PRKCA: variants seen among roughly 807,000 people sequenced by gnomAD.
The protein encoded by PRKCA is protein kinase C alpha.
Under a neutral mutation model 87.0 loss-of-function variants are expected in PRKCA, and 27 were observed. The ratio of observed to expected loss-of-function variants is 0.31; its 90% CI spans 0.23 to 0.43. The LOEUF is 0.43. Ranked by LOEUF, PRKCA falls within the 20% of genes least tolerant of loss-of-function variation. PRKCA has a pLI of 1.00. For missense variants in PRKCA, 518 were observed against 852.3 expected (o/e 0.61, Z 4.88); for synonymous variants, 329 against 311.1 (o/e 1.06, Z -0.61).
At chr17:66,346,185 C>G (rs1408511331) in intron 2 of PRKCA, among the ~76,000 whole-genome samples, 4 of 151,768 alleles carry the variant, frequency 2.6e-5, no homozygotes, top group Non-Finnish European at 5.9e-5. Context: ...CAACTTCCAC[C>G]TCCTGGGTTC....
chr17:66,331,524 T>A (rs1906323858), intron 2 of PRKCA, among the ~76,000 whole-genome samples: 1 of 152,200 alleles, frequency 6.6e-6, no homozygotes, highest in South Asian at 2.1e-4. Flanking sequence ...ATATTCATTG[T>A]GAGTCGGTAC....
At chr17:66,777,471 C>A (rs1209408625) in intron 14 of PRKCA, 1 of 966,526 alleles carries the variant, frequency 1.0e-6, no homozygotes, top group African/African-American at 1.9e-5. Context: ...CAAATACGTC[C>A]GGGTGTAAAC....
chr17:66,367,942 C>T (rs1329825769), intron 2 of PRKCA, among the ~76,000 whole-genome samples: 1 of 152,070 alleles, frequency 6.6e-6, no homozygotes, highest in African/African-American at 2.4e-5. Context: ...CAATGAATTC[C>T]CTGTGTTTAT....
intron 3 of PRKCA, among the ~76,000 whole-genome samples, chr17:66,547,765 A>G (rs184325624): frequency 5.9e-5 from 9 of 152,370 alleles, no homozygotes; most frequent in African/African-American, 2.2e-4. Flanking sequence ...AGTAGAAAAT[A>G]ACCCTTGATA....
chr17:66,595,713 G>A (rs889963772), intron 3 of PRKCA, among the ~76,000 whole-genome samples: 6 of 151,826 alleles, frequency 4.0e-5, no homozygotes, highest in South Asian at 2.1e-4. Flanking sequence ...CGCCCGCCTC[G>A]GCCTCCTGGA....
chr17:66,493,572 C>A (rs1216864255), intron 2 of PRKCA, among the ~76,000 whole-genome samples: 2 of 151,988 alleles, frequency 1.3e-5, no homozygotes, highest in African/African-American at 4.8e-5. Flanking sequence ...TCCCTGCCTC[C>A]CTTCCTGTCT....
chr17:66,620,623 G>C (rs567813672), intron 3 of PRKCA, among the ~76,000 whole-genome samples: 23 of 152,328 alleles, frequency 1.5e-4, no homozygotes, highest in African/African-American at 5.0e-4. Flanking sequence ...CAGAGGCCTA[G>C]CAGTGTCTGC....
intron 2 of PRKCA, among the ~76,000 whole-genome samples, chr17:66,373,884 G>A (rs922603909): frequency 5.3e-5 from 8 of 152,294 alleles, no homozygotes; most frequent in Admixed American, 5.2e-4. Flanking sequence ...CACTTGTTTA[G>A]CACCTACTTA....
At chr17:66,556,167 A>G (rs1968488404) in intron 3 of PRKCA, among the ~76,000 whole-genome samples, 1 of 151,912 alleles carries the variant, frequency 6.6e-6, no homozygotes. Flanking sequence ...TTCCATTTTG[A>G]ACACATTTGG....
intron 2 of PRKCA, among the ~76,000 whole-genome samples, chr17:66,338,542 T>A (rs1246530632): frequency 2.0e-5 from 3 of 152,148 alleles, no homozygotes; most frequent in Non-Finnish European, 4.4e-5. Context: ...AACTCTTCAA[T>A]AAAGCAAATT....
intron 2 of PRKCA, among the ~76,000 whole-genome samples, chr17:66,439,951 CCTT>C (rs1184714057): frequency 2.6e-5 from 4 of 152,188 alleles, no homozygotes; most frequent in Non-Finnish European, 4.4e-5. Context: ...GCAACTGTCT[CCTT>C]CTGCTGATGG....
chr17:66,531,183 C>T (rs1967523000), intron 3 of PRKCA, among the ~76,000 whole-genome samples: 2 of 152,210 alleles, frequency 1.3e-5, no homozygotes, highest in South Asian at 4.1e-4. Context: ...TGGGCAGAGG[C>T]CCCAGCAGGA....
chr17:66,592,307 A>T (rs1299292087), intron 3 of PRKCA, among the ~76,000 whole-genome samples: 1 of 135,394 alleles, frequency 7.4e-6, no homozygotes, highest in African/African-American at 2.9e-5. Flanking sequence ...ATGAGCCAAG[A>T]TTGCACCACT....
At chr17:66,781,559 A>G (rs1458476280) in intron 14 of PRKCA, among the ~76,000 whole-genome samples, 1 of 152,194 alleles carries the variant, frequency 6.6e-6, no homozygotes, top group Non-Finnish European at 1.5e-5. Context: ...AGGCACAGTT[A>G]AGATACCAAT....
chr17:66,436,427 A>G (rs2143851574), intron 2 of PRKCA, among the ~76,000 whole-genome samples: 1 of 152,310 alleles, frequency 6.6e-6, no homozygotes, highest in African/African-American at 2.4e-5. Flanking sequence ...CTACCTCAGA[A>G]GGTGGTGGCG....
Position 66,689,620 on chromosome 17 carries a change from G to A in PRKCA, c.918+573G>A, listed in dbSNP as rs866331921. 2.6e-5 allele frequency among the ~76,000 whole-genome samples: 4 copies of A among 152,122 alleles called. No individual in the cohort carries two copies. In the Middle Eastern group the frequency reaches 0.014, roughly 517 times the overall value. ...TGGTATTTGTGTTTGCCTCTGTCCC[G>A]GATTCACTGGTCTTTTTACTTCTCC... On this transcript the variant is annotated intron_variant, in intron 8 of 16. Transcript: ENST00000413366. This position sits in a 1 kb window ranked among gnomAD's most constrained non-coding sequence, Gnocchi z 4.1.
intron 3 of PRKCA, among the ~76,000 whole-genome samples, chr17:66,595,106 A>G (rs897813336): frequency 6.6e-6 from 1 of 152,042 alleles, no homozygotes; most frequent in African/African-American, 2.4e-5. Context: ...GCATTATTCT[A>G]ATGTCTGCCC....
At chr17:66,510,044 C>G (rs1917155597) in intron 3 of PRKCA, among the ~76,000 whole-genome samples, 1 of 152,054 alleles carries the variant, frequency 6.6e-6, no homozygotes, top group South Asian at 2.1e-4. Context: ...TTTTGGCAAC[C>G]TGAAGCCATG....
chr17:66,421,534 CTTTT>C (rs1912496058), intron 2 of PRKCA, among the ~76,000 whole-genome samples: 1 of 133,794 alleles, frequency 7.5e-6, no homozygotes, highest in Non-Finnish European at 1.6e-5. Flanking sequence ...CTTCTCTTCT[CTTTT>C]CTTTCTTTTT....
Sources: allele counts gnomAD v4.1 joint callset (sites outside exome capture counted in the v4.1 genomes callset), GRCh38; gene constraint gnomAD v4.1.1; non-coding constraint Gnocchi (gnomAD v3.1); transcripts MANE v1.5; gene names NCBI Gene and HGNC (gene_info 2026-07-23, HGNC 2026-07-21).